The following RCC2 variants were observed in gnomAD, a reference collection of about 807,000 sequenced individuals.
RCC2 encodes regulator of chromosome condensation 2.
A neutral mutation model predicts 64.1 loss-of-function variants in RCC2; 19 were observed. The ratio of observed to expected loss-of-function variants is 0.30; its 90% CI spans 0.21 to 0.44. The LOEUF (loss-of-function observed/expected upper bound fraction) is 0.44, where lower values mean the gene tolerates loss of function less well. Ranked by LOEUF, RCC2 falls within the 20% of genes least tolerant of loss-of-function variation. The pLI is 1.00. For missense variants in RCC2, 508 were observed against 710.4 expected (o/e 0.72, Z 3.24); for synonymous variants, 325 against 279.6 (o/e 1.16, Z -1.62).
At chr1:17,429,001 G>C in intron 3 of RCC2, 105 bp downstream of exon 3, 1 of 900,458 alleles carries the variant, frequency 1.1e-6, no homozygotes, top group Non-Finnish European at 1.8e-6. Flanking sequence ...CTTGGCCTCT[G>C]TGAAAATGCA....
At chr1:17,433,076 A>G (rs1157880052) in intron 2 of RCC2, among the ~76,000 whole-genome samples, 2 of 152,232 alleles carry the variant, frequency 1.3e-5, no homozygotes, top group Admixed American at 1.3e-4. Flanking sequence ...ATACGTGTGT[A>G]TGTGTGAAAA....
intron 2 of RCC2, among the ~76,000 whole-genome samples, chr1:17,434,033 C>T (rs1353509691): frequency 6.6e-6 from 1 of 152,200 alleles, no homozygotes; most frequent in African/African-American, 2.4e-5. Flanking sequence ...CAACACTCAC[C>T]TGTTTTGTAG....
At chr1:17,438,597 G>C in intron 1 of RCC2, 75 bp from the exon 2 acceptor site, 1 of 1,240,708 alleles carries the variant, frequency 8.1e-7, no homozygotes, top group Non-Finnish European at 1.0e-6. Flanking sequence ...GCGGAGACGA[G>C]CCACCCGGCC....
chr1:17,414,421 T>G (rs1331981268), intron 8 of RCC2, among the ~76,000 whole-genome samples: 1 of 151,156 alleles, frequency 6.6e-6, no homozygotes, highest in Admixed American at 6.6e-5. Flanking sequence ...TCCCAGCTAC[T>G]CAGGAGGCTG....
chr1:17,429,092 C>T lies in RCC2; in HGVS notation c.379+14G>A, dbSNP rs765965921. The T allele has an allele frequency of 8.7e-6, 14 of 1,604,292 alleles. No individual in the cohort carries two copies. The South Asian group carries it at 1.2e-4, about 14-fold the overall frequency. On this transcript the variant is annotated intron_variant, in intron 3 of 12. Coordinates refer to ENST00000375436, the MANE Select transcript of RCC2 (RefSeq NM_018715.4). ...AGAAGCACTCAATGGGTTTTTGAGG[C>T]ACCATTCTCATACCTTGCTGTTTAG...
intron 2 of RCC2, among the ~76,000 whole-genome samples, chr1:17,430,502 A>AAG (rs1437053031): frequency 2.8e-5 from 4 of 142,532 alleles, no homozygotes; most frequent in African/African-American, 5.3e-5. Flanking sequence ...AAAAAAAAAA[A>AAG]GGGGGCCAGG....
At chr1:17,435,183 T>TC (rs2075723059) in intron 2 of RCC2, among the ~76,000 whole-genome samples, 2 of 152,184 alleles carry the variant, frequency 1.3e-5, no homozygotes, top group Admixed American at 1.3e-4. Context: ...TTGAATTTTT[T>TC]CTTAACACCT....
rs952349394 is a variant in RCC2, at chr1:17,413,400, C to T, written c.1207+137G>A. The T allele has an allele frequency of 1.5e-5, 15 of 1,026,048 alleles. No homozygotes were observed. The Middle Eastern group carries it at 1.1e-3, about 76-fold the overall frequency. The allele number at this position is 1,026,048 out of a possible 1,614,324, so 63.6% of individuals were successfully genotyped here. On this transcript the variant is annotated intron_variant, in intron 9 of 12. Coordinates refer to ENST00000375436, the MANE Select transcript of RCC2 (RefSeq NM_018715.4). ...AGGAGTTCGACACCGGCCTGGACAA[C>T]ACAACGAGTTCCTGTCTCAAAAAAA...
chr1:17,430,667 C>T (rs1205797795), intron 2 of RCC2, among the ~76,000 whole-genome samples: 1 of 151,910 alleles, frequency 6.6e-6, no homozygotes, highest in Non-Finnish European at 1.5e-5. Flanking sequence ...ATCCGCCTGT[C>T]GTCCCAGCTA....
At chr1:17,417,594 A>C (rs2075502171) in intron 7 of RCC2, among the ~76,000 whole-genome samples, 1 of 152,150 alleles carries the variant, frequency 6.6e-6, no homozygotes, top group African/African-American at 2.4e-5. Context: ...GAGGCAGAAG[A>C]ATCGCTTGAA....
At chr1:17,434,451 A>G (rs1438532902) in intron 2 of RCC2, among the ~76,000 whole-genome samples, 2 of 152,248 alleles carry the variant, frequency 1.3e-5, no homozygotes. Flanking sequence ...ACGGAAACAC[A>G]GTGCCCCTTC....
At chr1:17,430,327 T>A (rs909981837) in intron 2 of RCC2, among the ~76,000 whole-genome samples, 1 of 150,500 alleles carries the variant, frequency 6.6e-6, no homozygotes, top group Non-Finnish European at 1.5e-5. Context: ...CTGGGCAACA[T>A]GGCAAAACCT....
At chr1:17,427,808 G>A (rs982058615) in intron 3 of RCC2, among the ~76,000 whole-genome samples, 2 of 152,060 alleles carry the variant, frequency 1.3e-5, no homozygotes, top group African/African-American at 4.8e-5. Flanking sequence ...AAGGGCTGGA[G>A]GGACTGGAGG....
At position 17,438,529 on chromosome 1, in the gene RCC2, G is replaced by A. The variant is rs767687131; in HGVS notation, c.-8-7C>T. 14 of 1,326,894 alleles carry A rather than the reference G, an allele frequency of 1.1e-5. No homozygotes were observed. The highest frequency in any genetic ancestry group is 3.0e-4 in the Middle Eastern group (1 of 3,350). The allele number at this position is 1,326,894 out of a possible 1,614,324, so 82.2% of individuals were successfully genotyped here. On this transcript the variant is annotated splice_region_variant and splice_polypyrimidine_tract_variant and intron_variant, in intron 1 of 12. Coordinates refer to ENST00000375436, the MANE Select transcript of RCC2 (RefSeq NM_018715.4). Reference sequence around the variant, plus strand: ...TTCCTGGGCATGGTCGCGGCTGGAGGGAGACACGGGGCAGCGGCGCACAAT... The same window carrying A: ...TTCCTGGGCATGGTCGCGGCTGGAGAGAGACACGGGGCAGCGGCGCACAAT...
At chr1:17,437,472 G>C (rs1387363539) in intron 2 of RCC2, among the ~76,000 whole-genome samples, 2 of 152,174 alleles carry the variant, frequency 1.3e-5, no homozygotes, top group Non-Finnish European at 1.5e-5. Context: ...TTTCGGGAAC[G>C]TTAACTTGAG....
intron 3 of RCC2, 110 bp downstream of exon 3, chr1:17,428,995 GC>G (rs1557631828): frequency 1.2e-6 from 1 of 836,052 alleles, no homozygotes; most frequent in Non-Finnish European, 2.0e-6. Flanking sequence ...AAGTCACTTG[GC>G]CTCTGTGAAA....
At chr1:17,415,615 CAGG>C in intron 8 of RCC2, among the ~76,000 whole-genome samples, 1 of 151,730 alleles carries the variant, frequency 6.6e-6, no homozygotes, top group East Asian at 2.0e-4. Context: ...GAGGCTGAGG[CAGG>C]AGAATAGCTT....
In RCC2 at chr1:17,438,314, C is replaced by A; in HGVS notation, c.201G>T (p.Lys67Asn). Reference protein sequence around the residue: ...LELDGAPGGGKRAARPATAGK... With the variant: ...LELDGAPGGGNRAARPATAGK... ...CTGCTGTCGCCGGCCGCGCCGCGCG[C>A]TTGCCCCCGCCGGGGGCCCCGTCGA... The change falls in exon 2 of 13, where the codon AAG (lysine) becomes AAT (asparagine). Residue 67 changes from lysine to asparagine, a missense_variant. Around this residue, in one of 4 missense-constraint regions of RCC2, gnomAD observed 195 missense variants for 158.3 expected, o/e 1.23. Coordinates refer to ENST00000375436, the MANE Select transcript of RCC2 (RefSeq NM_018715.4). 8.1e-7 allele frequency: 1 copy of A among 1,239,158 alleles called. No individual in the cohort carries two copies. The highest frequency in any genetic ancestry group is 2.5e-5 in the South Asian group (1 of 40,060). 76.8% of individuals were successfully genotyped at this position (1,239,158 alleles called of 1,614,324 possible).
In RCC2 at chr1:17,422,736, T is replaced by G. The variant is rs199634941; in HGVS notation, c.624A>C (p.Ala208=). 1.2e-6 allele frequency: 2 copies of G among 1,614,096 alleles called. No individual in the cohort carries two copies. Among genetic ancestry groups the G allele is most frequent in the East Asian group, 2.2e-5 (1 of 44,872 alleles). ...AGGCCAAGGTGTGGTTCCGCCCACATGCTGCAGACACAATCACTTCGTGGC... is the reference window on the plus strand; with the variant it reads ...AGGCCAAGGTGTGGTTCCGCCCACAGGCTGCAGACACAATCACTTCGTGGC... ...GLSHEVIVSA[A]CGRNHTLALT... The change falls in exon 5 of 13, where the codon GCA becomes GCC. Residue 208 remains alanine (A), a synonymous_variant. Transcript: ENST00000375436.
Sources: gnomAD v4.1 joint callset for allele counts (sites outside exome capture counted in the v4.1 genomes callset) on GRCh38, gnomAD v4.1.1 for gene constraint, gnomAD v4.1.1 regional missense constraint, MANE v1.5 for transcripts, NCBI Gene and HGNC (gene_info 2026-07-23, HGNC 2026-07-21) for gene names.